The following NGEF variants were observed in gnomAD, a reference collection of about 807,000 sequenced individuals.
The protein encoded by NGEF is ephexin-1.
In NGEF, 31 loss-of-function variants were observed where a neutral mutation model predicts 80.9. The observed-to-expected ratio is 0.38, with a 90% CI of 0.29 to 0.52. The LOEUF is 0.52. NGEF is among the 20% of genes least tolerant of loss of function. NGEF has a pLI of 0.84. For missense variants in NGEF, 709 were observed against 926.2 expected (o/e 0.77, Z 3.04); for synonymous variants, 371 against 370.2 (o/e 1.00, Z -0.03).
chr2:232,920,205 C>A (rs1045005072), intron 5 of NGEF, 79 bp downstream of exon 5: 2 of 1,420,140 alleles, frequency 1.4e-6, no homozygotes, highest in Non-Finnish European at 1.9e-6. Context: ...ACCTCACCCC[C>A]CAGAGGAAGC....
intron 8 of NGEF, among the ~76,000 whole-genome samples, chr2:232,889,161 C>T (rs950579828): frequency 3.9e-5 from 6 of 152,216 alleles, no homozygotes; most frequent in African/African-American, 1.4e-4. Context: ...CTGTATGTGG[C>T]CACCATGCCT....
In NGEF at chr2:232,952,986, A is replaced by C. The variant is rs1042095037; in HGVS notation, c.383+17228T>G. 1.2e-3 allele frequency among the ~76,000 whole-genome samples: 114 copies of C among 96,210 alleles called. 1 individual carries two copies. Among genetic ancestry groups the C allele is most frequent in the African/African-American group, 3.1e-3 (90 of 28,806 alleles). The allele number at this position is 96,210 out of a possible 152,430, so 63.1% of individuals were successfully genotyped here. ...GACAGCCCTCAAAAAAAAAAAAAAA[A>C]AAAAAAAAAAAACAACAAAAAAGCA... On this transcript the variant is annotated intron_variant, in intron 3 of 14. Coordinates refer to ENST00000264051, the MANE Select transcript of NGEF (RefSeq NM_019850.3).
In NGEF at chr2:232,906,656, C is replaced by A. The variant is rs369655627; in HGVS notation, c.829-11740G>T. On this transcript the variant is annotated intron_variant, in intron 5 of 14. Transcript: ENST00000264051. ...CTGGGAAGTGAGGAGCCCCTCTGCCCGGCCACCACCCCATCTGGGAGGTGT... is the reference window on the plus strand; with the variant it reads ...CTGGGAAGTGAGGAGCCCCTCTGCCAGGCCACCACCCCATCTGGGAGGTGT... Among the ~76,000 whole-genome samples, 7 of 89,876 alleles carry A rather than the reference C, an allele frequency of 7.8e-5. 3 individuals carry two copies. Among genetic ancestry groups the A allele is most frequent in the African/African-American group, 2.8e-4 (7 of 25,342 alleles). 59.0% of individuals were successfully genotyped at this position (89,876 alleles called of 152,430 possible).
intron 3 of NGEF, among the ~76,000 whole-genome samples, chr2:232,962,408 G>A (rs1252466452): frequency 1.3e-5 from 2 of 151,870 alleles, no homozygotes; most frequent in Non-Finnish European, 2.9e-5. Flanking sequence ...AATTAGCCAG[G>A]TGTGGTGGTG....
chr2:233,012,670 C>G (rs555676330), intron 1 of NGEF: 1 of 358,960 alleles, frequency 2.8e-6, no homozygotes, highest in Non-Finnish European at 5.4e-6. Context: ...TTAGAAGGTG[C>G]CCCGGCTTGC....
intron 1 of NGEF, among the ~76,000 whole-genome samples, chr2:233,005,806 T>C (rs1695071997): frequency 6.6e-6 from 1 of 152,132 alleles, no homozygotes; most frequent in African/African-American, 2.4e-5. Flanking sequence ...ATTTGCATTG[T>C]TTTTTGATTT....
At chr2:232,956,710 G>T (rs1253080994) in intron 3 of NGEF, among the ~76,000 whole-genome samples, 1 of 149,944 alleles carries the variant, frequency 6.7e-6, no homozygotes, top group Non-Finnish European at 1.5e-5. Flanking sequence ...AGGAGGTGGA[G>T]GTTGCAGTGA....
At chr2:232,968,436 C>T (rs543284331) in intron 3 of NGEF, among the ~76,000 whole-genome samples, 172 of 150,076 alleles carry the variant, frequency 1.1e-3, no homozygotes, top group African/African-American at 4.0e-3. Context: ...GACGGAGTCT[C>T]GCTCTGTTGC....
intron 5 of NGEF, among the ~76,000 whole-genome samples, chr2:232,914,674 G>T (rs1692755465): frequency 6.6e-6 from 1 of 152,154 alleles, no homozygotes; most frequent in Non-Finnish European, 1.5e-5. Context: ...CTGCACTCCA[G>T]CCTGGGTGAC....
In NGEF at chr2:232,951,533, A is replaced by T. The variant is rs569611418; in HGVS notation, c.383+18681T>A. 2.0e-5 allele frequency among the ~76,000 whole-genome samples: 3 copies of T among 152,288 alleles called. No homozygotes were observed. The South Asian group carries it at 6.2e-4, about 32-fold the overall frequency. ...TCTACACTGTGGAGTCGAGGTCCTAATTTGGAGGTTTTACAATTGCGTGAC... is the reference window on the plus strand; with the variant it reads ...TCTACACTGTGGAGTCGAGGTCCTATTTTGGAGGTTTTACAATTGCGTGAC... On this transcript the variant is annotated intron_variant, in intron 3 of 14. Coordinates refer to ENST00000264051, the MANE Select transcript of NGEF (RefSeq NM_019850.3).
At chr2:232,931,167 G>A (rs1469541297) in intron 3 of NGEF, among the ~76,000 whole-genome samples, 1 of 152,204 alleles carries the variant, frequency 6.6e-6, no homozygotes, top group East Asian at 1.9e-4. Context: ...TTAAAGCCTA[G>A]CAAGGCAAAT....
intron 1 of NGEF, among the ~76,000 whole-genome samples, chr2:232,999,159 A>T (rs1055505236): frequency 6.6e-6 from 1 of 152,286 alleles, no homozygotes; most frequent in African/African-American, 2.4e-5. Context: ...AAATGAGATT[A>T]TGATGATGGG....
chr2:232,988,476 T>C (rs1025990419), intron 1 of NGEF, among the ~76,000 whole-genome samples: 1 of 152,096 alleles, frequency 6.6e-6, no homozygotes, highest in African/African-American at 2.4e-5. Context: ...GTTTGAAGAG[T>C]GATTGGTGCA....
At chr2:232,996,434 T>G (rs1285406425) in intron 1 of NGEF, among the ~76,000 whole-genome samples, 1 of 152,220 alleles carries the variant, frequency 6.6e-6, no homozygotes, top group Non-Finnish European at 1.5e-5. Flanking sequence ...AGGGCTGTTA[T>G]GAGAGAGGCC....
intron 1 of NGEF, among the ~76,000 whole-genome samples, chr2:233,010,113 G>A (rs1695171182): frequency 6.6e-6 from 1 of 151,838 alleles, no homozygotes; most frequent in African/African-American, 2.4e-5. Context: ...GACTGGTCTT[G>A]AACTTCTGAC....
chr2:232,890,924 G>A, intron 8 of NGEF: 1 of 471,624 alleles, frequency 2.1e-6, no homozygotes, highest in Non-Finnish European at 4.4e-6. Context: ...TGGCCTTTCT[G>A]TCCATGAACC....
intron 1 of NGEF, among the ~76,000 whole-genome samples, chr2:233,003,865 A>T (rs559210970): frequency 1.3e-5 from 2 of 152,164 alleles, no homozygotes; most frequent in Non-Finnish European, 2.9e-5. Flanking sequence ...CATGTACCCG[A>T]TATTGGTGGT....
Position 232,920,419 on chromosome 2 carries a change from T to G in NGEF, c.693A>C (p.Pro231=). Residue 231 remains proline, a synonymous_variant, in exon 5 of 15, where the codon CCA becomes CCC. Transcript: ENST00000264051. ...AGATCTGGGGCAGAGTCTTCCTCTC[T>G]GGTGGGCTGGCCGGCTCCTCCTCCT... The part of the protein sequence containing the change: ...EEEEEEPASP[P]ERKTLPQICL... The G allele has an allele frequency of 6.2e-7, 1 of 1,614,004 alleles. No individual in the cohort carries two copies. Among genetic ancestry groups the G allele is most frequent in the Non-Finnish European group, 8.5e-7 (1 of 1,179,944 alleles).
intron 3 of NGEF, among the ~76,000 whole-genome samples, chr2:232,929,071 G>C (rs2106286382): frequency 6.6e-6 from 1 of 152,358 alleles, no homozygotes; most frequent in South Asian, 2.1e-4. Context: ...TTTTCCGGAG[G>C]CCAGCCGGCT....
Sources: allele counts gnomAD v4.1 joint callset (sites outside exome capture counted in the v4.1 genomes callset), GRCh38; gene constraint gnomAD v4.1.1; transcripts MANE v1.5; gene names NCBI Gene and HGNC (gene_info 2026-07-23, HGNC 2026-07-21).